Variants in NFAM1 observed in about 807,000 individuals in gnomAD.
The protein encoded by NFAM1 is NFAT activation molecule 1.
In NFAM1, 17 loss-of-function variants were observed where a neutral mutation model predicts 29.0. That is an observed-to-expected ratio of 0.59 (90% confidence interval 0.40 to 0.88). The LOEUF is 0.88. NFAM1 is among the 40% of genes least tolerant of loss of function. The pLI is 0.00. For missense variants in NFAM1, 324 were observed against 344.6 expected, an observed-to-expected ratio of 0.94 and a Z score of 0.47; for synonymous variants, 175 against 147.2, an observed-to-expected ratio of 1.19 and a Z score of -1.36.
At chr22:42,389,263 C>T (rs1215743224) in intron 4 of NFAM1, among the ~76,000 whole-genome samples, 2 of 152,026 alleles carry the variant, frequency 1.3e-5, no homozygotes, top group Admixed American at 6.5e-5. Flanking sequence ...TGGGATGCTG[C>T]AGGCCCCCAA....
chr22:42,435,769 A>G (rs908503690), upstream of NFAM1, among the ~76,000 whole-genome samples: 1 of 150,722 alleles, frequency 6.6e-6, no homozygotes, highest in African/African-American at 2.4e-5. Context: ...AGGGAGAAAA[A>G]CAGATCCCCT....
In NFAM1 at chr22:42,419,689, G is replaced by A. The variant is rs1176815420; in HGVS notation, c.122-7953C>T. Among the ~76,000 whole-genome samples, 2 of 152,144 alleles carry A rather than the reference G, an allele frequency of 1.3e-5. No homozygotes were observed. Among genetic ancestry groups the A allele is most frequent in the Non-Finnish European group, 2.9e-5 (2 of 68,022 alleles). On this transcript the variant is annotated intron_variant, in intron 1 of 5. Coordinates refer to ENST00000329021, the MANE Select transcript of NFAM1 (RefSeq NM_145912.8). The surrounding 1 kb of genome is among the most constrained non-coding windows in gnomAD (Gnocchi z 4.5). ...CCGGCGCCTTCGCCCGTGCTGTTCC[G>A]GCTGTGCGGAATGTCCTACCCATTC...
At chr22:42,429,655 T>C (rs1930732482) in intron 1 of NFAM1, among the ~76,000 whole-genome samples, 1 of 152,048 alleles carries the variant, frequency 6.6e-6, no homozygotes, top group Non-Finnish European at 1.5e-5. Flanking sequence ...TGAAGATGAA[T>C]GCCCCTGGCC....
chr22:42,397,761 C>T (rs1190205188), intron 4 of NFAM1, 97 bp downstream of exon 4: 6 of 746,140 alleles, frequency 8.0e-6, no homozygotes, highest in Non-Finnish European at 1.5e-5. Flanking sequence ...AGAGTCCACA[C>T]AGCTGGTACA....
chr22:42,405,504 C>T (rs1311296561), intron 3 of NFAM1, among the ~76,000 whole-genome samples: 1 of 152,126 alleles, frequency 6.6e-6, no homozygotes, highest in Non-Finnish European at 1.5e-5. Flanking sequence ...TGGGAAAAGC[C>T]GAAGCAGGGA....
chr22:42,425,341 G>A (rs912763060), intron 1 of NFAM1, among the ~76,000 whole-genome samples: 1 of 152,028 alleles, frequency 6.6e-6, no homozygotes, highest in East Asian at 1.9e-4. Context: ...TCTTGCTCTC[G>A]GCCTCCTTTT....
chr22:42,432,461 C>A, upstream of NFAM1: 1 of 1,431,086 alleles, frequency 7.0e-7, no homozygotes, highest in African/African-American at 1.4e-5. Context: ...CCCTGGCAGC[C>A]CCTGACCTTC....
At chr22:42,434,558 C>T (rs1413410832), upstream of NFAM1, among the ~76,000 whole-genome samples, 1 of 152,228 alleles carries the variant, frequency 6.6e-6, no homozygotes, top group East Asian at 1.9e-4. Flanking sequence ...CCTGGCTGCG[C>T]TGTCGGGGCC....
chr22:42,406,667 C>T (rs549570084), intron 3 of NFAM1, among the ~76,000 whole-genome samples: 36 of 152,342 alleles, frequency 2.4e-4, no homozygotes, highest in Admixed American at 9.2e-4. Flanking sequence ...GCTGAGTTTC[C>T]CCCAATAATT....
At chr22:42,391,174 C>T (rs574526731) in intron 4 of NFAM1, among the ~76,000 whole-genome samples, 200 of 152,302 alleles carry the variant, frequency 1.3e-3, no homozygotes, top group African/African-American at 4.7e-3. Context: ...GCTGCTCTCC[C>T]AGTCTTCCCC....
At chr22:42,433,546 G>A (rs568590456), upstream of NFAM1, among the ~76,000 whole-genome samples, 10 of 152,258 alleles carry the variant, frequency 6.6e-5, no homozygotes, top group Non-Finnish European at 8.8e-5. Context: ...TGCAGCCCCC[G>A]GTGACGGCAT....
intron 1 of NFAM1, among the ~76,000 whole-genome samples, chr22:42,415,499 C>T (rs1422161024): frequency 6.6e-6 from 1 of 152,008 alleles, no homozygotes. Flanking sequence ...CGGGGTTTCA[C>T]CGTGTTAGCC....
intron 1 of NFAM1, among the ~76,000 whole-genome samples, chr22:42,430,169 G>T (rs1930749997): frequency 6.6e-6 from 1 of 152,082 alleles, no homozygotes; most frequent in Admixed American, 6.5e-5. Flanking sequence ...AGGCTGAGGT[G>T]GGAGGATCAT....
intron 3 of NFAM1, among the ~76,000 whole-genome samples, chr22:42,407,575 G>C (rs1465204546): frequency 6.6e-6 from 1 of 151,362 alleles, no homozygotes; most frequent in Non-Finnish European, 1.5e-5. Context: ...TTCACCACGG[G>C]GGTCAGGCTG....
rs759031410 is a variant in NFAM1, at chr22:42,397,881, G to A, written c.640C>T (p.His214Tyr). 3.7e-6 allele frequency: 6 copies of A among 1,612,512 alleles called. No homozygotes were observed. In the African/African-American group the frequency reaches 6.7e-5, roughly 18 times the overall value. Residue 214 changes from histidine (H) to tyrosine (Y), a missense_variant, in exon 4 of 6, where the codon CAT (histidine) becomes TAT (tyrosine). His to Tyr is a moderately conservative substitution (Grantham distance 83). Transcript: ENST00000329021. ...DPRSASSPKQ[H>Y]PSESVYTALQ... ...ACTGTGTAGACAGATTCTGAAGGAT[G>A]CTGCTTGGGGCTGCTGGCAGATCTT... is the stretch of plus-strand genomic sequence containing the variant.
At chr22:42,421,369 T>C (rs898210724) in intron 1 of NFAM1, among the ~76,000 whole-genome samples, 10 of 143,738 alleles carry the variant, frequency 7.0e-5, no homozygotes, top group Non-Finnish European at 1.2e-4. Context: ...GGCAGGAACC[T>C]GGGAGGCAGA....
At position 42,411,402 on chromosome 22, in the gene NFAM1, C is replaced by A. The variant is rs1053535917; in HGVS notation, c.451+5G>T. The A allele has an allele frequency of 1.9e-6, 3 of 1,607,190 alleles. No homozygotes were observed. Among genetic ancestry groups the A allele is most frequent in the Non-Finnish European group, 1.7e-6 (2 of 1,174,758 alleles). On this transcript the variant is annotated splice_donor_5th_base_variant and intron_variant, in intron 2 of 5. Coordinates refer to ENST00000329021, the MANE Select transcript of NFAM1 (RefSeq NM_145912.8). ...GCCCTGGAAGAGCCACAGAGGAAGCCTTACCTCTGACCAGGATGAAGGTGC... is the reference window on the plus strand; with the variant it reads ...GCCCTGGAAGAGCCACAGAGGAAGCATTACCTCTGACCAGGATGAAGGTGC...
At chr22:42,428,325 T>C (rs953603461) in intron 1 of NFAM1, among the ~76,000 whole-genome samples, 4 of 152,144 alleles carry the variant, frequency 2.6e-5, no homozygotes, top group Non-Finnish European at 5.9e-5. Context: ...AAGTCCTTTA[T>C]TGGGATTTAG....
chr22:42,414,281 G>T (rs1212181966), intron 1 of NFAM1, among the ~76,000 whole-genome samples: 1 of 152,130 alleles, frequency 6.6e-6, no homozygotes, highest in Non-Finnish European at 1.5e-5. Context: ...ATTTTACCCT[G>T]GACTTTGTAT....
Sources: gnomAD v4.1 joint callset for allele counts (sites outside exome capture counted in the v4.1 genomes callset) on GRCh38, gnomAD v4.1.1 for gene constraint, Gnocchi (gnomAD v3.1) non-coding constraint, MANE v1.5 for transcripts, NCBI Gene and HGNC (gene_info 2026-07-23, HGNC 2026-07-21) for gene names.